ZNF609: variants seen among roughly 807,000 people sequenced by gnomAD.
ZNF609 encodes the protein zinc finger protein 609.
Under a neutral mutation model 109.5 loss-of-function variants are expected in ZNF609, and 11 were observed. That is an observed-to-expected ratio of 0.10 (90% CI 0.06 to 0.17). The LOEUF (loss-of-function observed/expected upper bound fraction) is 0.17. Ranked by LOEUF, ZNF609 falls within the 10% of genes least tolerant of loss-of-function variation. ZNF609 has a pLI of 1.00. For missense variants in ZNF609, 1,559 were observed against 1,772.4 expected (o/e 0.88, Z 2.16); for synonymous variants, 646 against 662.0 (o/e 0.98, Z 0.37).
At chr15:64,635,141 C>T (rs1402110195) in intron 3 of ZNF609, among the ~76,000 whole-genome samples, 1 of 152,152 alleles carries the variant, frequency 6.6e-6, no homozygotes, top group Non-Finnish European at 1.5e-5. Flanking sequence ...CCTCCTCCCT[C>T]CCCCAAGCAA....
chr15:64,524,362 G>A (rs927741679), intron 2 of ZNF609, among the ~76,000 whole-genome samples: 1 of 152,164 alleles, frequency 6.6e-6, no homozygotes, highest in African/African-American at 2.4e-5. Flanking sequence ...TCAGGAGTTC[G>A]ATACCAGCCT....
At chr15:64,668,743 C>T (rs549890349) in intron 3 of ZNF609, among the ~76,000 whole-genome samples, 275 of 152,020 alleles carry the variant, frequency 1.8e-3, no homozygotes, top group Non-Finnish European at 1.9e-3. Context: ...CACATGAGGT[C>T]GGGAGATTGA....
At chr15:64,567,982 C>T (rs1894804627) in intron 2 of ZNF609, among the ~76,000 whole-genome samples, 1 of 152,108 alleles carries the variant, frequency 6.6e-6, no homozygotes, top group African/African-American at 2.4e-5. Context: ...TCCCTCCCAA[C>T]ATTTTATTAT....
At chr15:64,577,581 GTGTA>G (rs1341924911) in intron 2 of ZNF609, among the ~76,000 whole-genome samples, 8 of 10,668 alleles carry the variant, frequency 7.5e-4, no homozygotes, top group African/African-American at 1.6e-3. Context: ...ACATATATAT[GTGTA>G]TATATACACA....
At chr15:64,666,949 A>G (rs1044763469) in intron 3 of ZNF609, among the ~76,000 whole-genome samples, 3 of 152,114 alleles carry the variant, frequency 2.0e-5, no homozygotes, top group African/African-American at 7.2e-5. Flanking sequence ...TAACATGGTA[A>G]ACCCTGTCTC....
At chr15:64,614,234 CTTT>C (rs749012449) in intron 2 of ZNF609, among the ~76,000 whole-genome samples, 5 of 128,374 alleles carry the variant, frequency 3.9e-5, no homozygotes, top group Admixed American at 1.6e-4. Flanking sequence ...TTCTGTATTT[CTTT>C]TTTTTTTTTT....
chr15:64,673,881 T>TTTA (rs1896769389), intron 4 of ZNF609, 35 bp from the exon 5 acceptor site: 3 of 1,574,030 alleles, frequency 1.9e-6, no homozygotes, highest in Non-Finnish European at 2.6e-6. Flanking sequence ...TTTTCTCTTC[T>TTTA]TAATAATATT....
At chr15:64,545,597 C>G (rs1894345450) in intron 2 of ZNF609, among the ~76,000 whole-genome samples, 1 of 152,152 alleles carries the variant, frequency 6.6e-6, no homozygotes, top group South Asian at 2.1e-4. Context: ...ATGGATGCAT[C>G]TGTTTAACCA....
chr15:64,470,410 A>G (rs1033849831), intron 1 of ZNF609: 5 of 152,302 alleles, frequency 3.3e-5, no homozygotes, highest in African/African-American at 1.2e-4. Context: ...ATGACGAACA[A>G]GGGGGTATCT....
chr15:64,567,492 C>T (rs1000279236), intron 2 of ZNF609, among the ~76,000 whole-genome samples: 1 of 150,240 alleles, frequency 6.7e-6, no homozygotes, highest in Non-Finnish European at 1.5e-5. Flanking sequence ...AAAAAAAAAA[C>T]AAAAAACATT....
chr15:64,622,708 TA>T (rs764686126), intron 2 of ZNF609, 118 bp from the exon 3 acceptor site: 8 of 846,566 alleles, frequency 9.4e-6, no homozygotes, highest in Non-Finnish European at 1.5e-5. Context: ...ACCAAAGTCT[TA>T]TTTATAGCCG....
intron 2 of ZNF609, among the ~76,000 whole-genome samples, chr15:64,622,019 C>T (rs1047613825): frequency 1.3e-5 from 2 of 152,124 alleles, no homozygotes; most frequent in African/African-American, 4.8e-5. Context: ...AGCCACCGTG[C>T]CTAGCCATGT....
chr15:64,653,471 C>G (rs1896446094), intron 3 of ZNF609, among the ~76,000 whole-genome samples: 1 of 152,080 alleles, frequency 6.6e-6, no homozygotes, highest in South Asian at 2.1e-4. Flanking sequence ...ACGGTGAAAC[C>G]CCATCTCTAC....
intron 2 of ZNF609, among the ~76,000 whole-genome samples, chr15:64,514,369 T>A (rs1280446053): frequency 6.6e-6 from 1 of 152,200 alleles, no homozygotes; most frequent in East Asian, 1.9e-4. Flanking sequence ...AATGTAATGA[T>A]TATTGTAATA....
Position 64,499,664 on chromosome 15 carries a change from A to G in ZNF609, c.245A>G (p.Gln82Arg). The change falls in exon 2 of 10, where the codon CAA becomes CGA. Residue 82 changes from glutamine to arginine, a missense_variant. By Grantham distance (43) the Gln-to-Arg change is conservative. Around this residue, in one of 4 missense-constraint regions of ZNF609, gnomAD observed 291 missense variants for 317.8 expected, o/e 0.92. Transcript: ENST00000326648. ...IKFVTPVPGP[Q>R]GKEGKSKSKR... ...TTTGTGACCCCAGTGCCAGGTCCTC[A>G]AGGGAAGGAAGGCAAATCAAAATCC... The G allele has an allele frequency of 6.2e-7, 1 of 1,614,164 alleles. No individual in the cohort carries two copies.
At chr15:64,495,115 A>G (rs1429523161) in intron 1 of ZNF609, among the ~76,000 whole-genome samples, 3 of 152,214 alleles carry the variant, frequency 2.0e-5, no homozygotes, top group Non-Finnish European at 4.4e-5. Context: ...AAAAAATCCC[A>G]AAAAACAAAA....
chr15:64,684,313 CA>C lies in ZNF609; in HGVS notation c.*2629del, dbSNP rs1319052690. On this transcript the variant is annotated 3_prime_UTR_variant, in exon 10 of 10. Transcript: ENST00000326648. ...AACAAAGGCTGGAAAAATTTGCTAC[CA>C]AGGGCCAAGACCACCAGACCAAGCC... 2.0e-5 allele frequency: 3 copies of C among 152,592 alleles called. No homozygotes were observed. The highest frequency in any genetic ancestry group is 4.4e-5 in the Non-Finnish European group (3 of 68,376). 9.5% of individuals were successfully genotyped at this position (152,592 alleles called of 1,614,324 possible). A position where few individuals can be genotyped will look rare whatever the true frequency, so the allele number is the denominator to read the frequency against.
intron 2 of ZNF609, among the ~76,000 whole-genome samples, chr15:64,541,228 CCATCCTGGCTAA>C (rs1332240618): frequency 6.6e-6 from 1 of 150,742 alleles, no homozygotes; most frequent in Non-Finnish European, 1.5e-5. Flanking sequence ...GAGATCGAGA[CCATCCTGGCTAA>C]CACGGTGAAA....
At chr15:64,667,037 G>A (rs1435323860) in intron 3 of ZNF609, among the ~76,000 whole-genome samples, 6 of 152,166 alleles carry the variant, frequency 3.9e-5, no homozygotes, top group African/African-American at 1.2e-4. Flanking sequence ...GGCTGAGGCA[G>A]GAGAATGGCG....
Sources: gnomAD v4.1 joint callset for allele counts (sites outside exome capture counted in the v4.1 genomes callset) on GRCh38, gnomAD v4.1.1 for gene constraint, gnomAD v4.1.1 regional missense constraint, MANE v1.5 for transcripts, NCBI Gene and HGNC (gene_info 2026-07-23, HGNC 2026-07-21) for gene names.